CDH10: variants seen among roughly 807,000 people sequenced by gnomAD.
CDH10 encodes the protein cadherin-10.
Under a neutral mutation model 73.1 loss-of-function variants are expected in CDH10, and 30 were observed. The observed-to-expected ratio is 0.41, with a 90% CI of 0.31 to 0.56. The LOEUF (loss-of-function observed/expected upper bound fraction) is 0.56. Among genes scored for constraint, CDH10 ranks in the 20% least tolerant of loss-of-function variants. CDH10 has a pLI of 0.27. For missense variants in CDH10, 815 were observed against 973.7 expected, an observed-to-expected ratio of 0.84 and a Z score of 2.17; for synonymous variants, 345 against 348.2, an observed-to-expected ratio of 0.99 and a Z score of 0.10.
chr5:24,520,589 G>T (rs184463280), intron 5 of CDH10, among the ~76,000 whole-genome samples: 26 of 152,280 alleles, frequency 1.7e-4, no homozygotes, highest in African/African-American at 6.3e-4. Flanking sequence ...AGGAGAGGAT[G>T]ATATATGCAC....
intron 1 of CDH10, among the ~76,000 whole-genome samples, chr5:24,632,385 T>C (rs116207756): frequency 3.3e-5 from 5 of 152,030 alleles, no homozygotes; most frequent in Admixed American, 2.0e-4. Context: ...AATAAATGCT[T>C]TATATATTCA....
At position 24,644,906 on chromosome 5, in the gene CDH10, T is replaced by G. The variant is rs1485622662; in HGVS notation, c.-436A>C. On this transcript the variant is annotated 5_prime_UTR_variant, in exon 1 of 12. Coordinates refer to ENST00000264463, the MANE Select transcript of CDH10 (RefSeq NM_006727.5). ...GAGAGAAAGGTTCTGCTGATAGAGC[T>G]GCAGCACTCGCCATGGGAAGGTTAG... is the stretch of plus-strand genomic sequence containing the variant. The G allele has an allele frequency of 1.3e-5, 2 of 151,608 alleles. No individual in the cohort carries two copies. Among genetic ancestry groups the G allele is most frequent in the Non-Finnish European group, 2.9e-5 (2 of 68,000 alleles). 9.4% of individuals were successfully genotyped at this position (151,608 alleles called of 1,614,324 possible). A position where few individuals can be genotyped will look rare whatever the true frequency, so the allele number is the denominator to read the frequency against.
At chr5:24,551,635 C>T (rs1323754449) in intron 2 of CDH10, among the ~76,000 whole-genome samples, 2 of 151,938 alleles carry the variant, frequency 1.3e-5, no homozygotes, top group Non-Finnish European at 2.9e-5. Context: ...CGGAGATTTG[C>T]GTTTGTGTGA....
At chr5:24,571,586 G>C (rs1467167831) in intron 2 of CDH10, among the ~76,000 whole-genome samples, 1 of 152,128 alleles carries the variant, frequency 6.6e-6, no homozygotes, top group East Asian at 1.9e-4. Context: ...GACTAGAATA[G>C]AGCAGCAGGA....
chr5:24,634,096 T>C (rs1443819110), intron 1 of CDH10, among the ~76,000 whole-genome samples: 1 of 151,832 alleles, frequency 6.6e-6, no homozygotes, highest in Non-Finnish European at 1.5e-5. Context: ...ACTTCAGACA[T>C]TCAAAAAAAC....
intron 2 of CDH10, among the ~76,000 whole-genome samples, chr5:24,566,631 C>T (rs1230082045): frequency 1.3e-5 from 2 of 151,968 alleles, no homozygotes; most frequent in South Asian, 4.1e-4. Flanking sequence ...ACAAATTATG[C>T]TAGAACAACT....
At chr5:24,513,030 CT>C (rs1268351060) in intron 5 of CDH10, among the ~76,000 whole-genome samples, 7 of 143,640 alleles carry the variant, frequency 4.9e-5, no homozygotes, top group Admixed American at 3.5e-4. Context: ...TGTTTCTTTT[CT>C]TTTTTTTTCT....
At position 24,554,104 on chromosome 5, in the gene CDH10, AGGTGGGCGGGGGG is replaced by A. The variant is rs1561159139; in HGVS notation, c.232-16443_232-16431del. On this transcript the variant is annotated intron_variant, in intron 2 of 11. Transcript: ENST00000264463. ...GAGAGACAGAGAGAGAGAGAAGGGG[AGGTGGGCGGGGGG>A]GGGAGAGAGAGAGACATTCAATCAG... 1.5e-3 allele frequency: 59 copies of A among 38,584 alleles called. 3 individuals carry two copies. The highest frequency in any genetic ancestry group is 1.9e-3 in the Non-Finnish European group (35 of 18,554). The allele number at this position is 38,584 out of a possible 1,614,324, so 2.4% of individuals were successfully genotyped here. A position where few individuals can be genotyped will look rare whatever the true frequency, so the allele number is the denominator to read the frequency against.
chr5:24,523,067 A>T (rs1743399612), intron 5 of CDH10, among the ~76,000 whole-genome samples: 2 of 151,960 alleles, frequency 1.3e-5, no homozygotes, highest in African/African-American at 4.8e-5. Context: ...ATATGCAAAG[A>T]TAACTAATAC....
intron 1 of CDH10, among the ~76,000 whole-genome samples, chr5:24,631,782 C>G (rs1747713205): frequency 6.6e-6 from 1 of 152,006 alleles, no homozygotes; most frequent in Admixed American, 6.6e-5. Flanking sequence ...TCTCAAGTTA[C>G]TAGCACACTT....
rs1748051522 is a variant in CDH10 at position 24,641,593 on chromosome 5, T to G, written c.-124+3001A>C. Reference sequence around the variant, plus strand: ...GATAAATAGATTTGTCTGTGCTAACTTTCAGTTTTTCAAATATGCATCTAT... The same window carrying G: ...GATAAATAGATTTGTCTGTGCTAACGTTCAGTTTTTCAAATATGCATCTAT... On this transcript the variant is annotated intron_variant, in intron 1 of 11. Coordinates refer to ENST00000264463, the MANE Select transcript of CDH10 (RefSeq NM_006727.5). 2.0e-5 allele frequency among the ~76,000 whole-genome samples: 3 copies of G among 152,132 alleles called. No homozygotes were observed. The South Asian group carries it at 6.2e-4, about 31-fold the overall frequency.
intron 5 of CDH10, among the ~76,000 whole-genome samples, chr5:24,521,017 T>C (rs1355029635): frequency 6.6e-6 from 1 of 152,194 alleles, no homozygotes; most frequent in East Asian, 1.9e-4. Context: ...CAAATAATTT[T>C]CAAGTTGAGA....
chr5:24,540,425 T>C (rs927450567), intron 2 of CDH10, among the ~76,000 whole-genome samples: 4 of 151,966 alleles, frequency 2.6e-5, no homozygotes, highest in Non-Finnish European at 4.4e-5. Context: ...AGTTTTGGAA[T>C]ATAAATCACA....
chr5:24,604,889 A>AC (rs1561192090), intron 1 of CDH10, among the ~76,000 whole-genome samples: 31 of 147,460 alleles, frequency 2.1e-4, no homozygotes, highest in African/African-American at 7.8e-4. Context: ...AAAAAAAAAA[A>AC]AAAAAACAAA....
chr5:24,610,466 ATG>A (rs920913866), intron 1 of CDH10, among the ~76,000 whole-genome samples: 10 of 152,114 alleles, frequency 6.6e-5, no homozygotes, highest in East Asian at 5.8e-4. Flanking sequence ...TTAAATATTA[ATG>A]TGTTTTTTTC....
intron 5 of CDH10, among the ~76,000 whole-genome samples, chr5:24,515,201 A>G (rs1374265463): frequency 6.6e-6 from 1 of 152,200 alleles, no homozygotes; most frequent in Admixed American, 6.5e-5. Flanking sequence ...CCTTAGTGGA[A>G]AATTCCTAAA....
chr5:24,636,273 T>C (rs1308038775), intron 1 of CDH10, among the ~76,000 whole-genome samples: 2 of 151,992 alleles, frequency 1.3e-5, no homozygotes. Flanking sequence ...ATATGAAACA[T>C]ATGGTAAGTG....
intron 2 of CDH10, among the ~76,000 whole-genome samples, chr5:24,569,933 T>A (rs996769241): frequency 6.6e-6 from 1 of 151,852 alleles, no homozygotes; most frequent in Admixed American, 6.6e-5. Context: ...CCGGCTAATT[T>A]TTTTGTATTT....
At chr5:24,512,228 G>T (rs1742942717) in intron 5 of CDH10, among the ~76,000 whole-genome samples, 1 of 152,078 alleles carries the variant, frequency 6.6e-6, no homozygotes, top group Admixed American at 6.6e-5. Flanking sequence ...TGCCCAGGCT[G>T]GTCTGAGCTC....
Sources: allele counts gnomAD v4.1 joint callset (sites outside exome capture counted in the v4.1 genomes callset), GRCh38; gene constraint gnomAD v4.1.1; transcripts MANE v1.5; gene names NCBI Gene and HGNC (gene_info 2026-07-23, HGNC 2026-07-21).